The following TPH2 variants were observed in gnomAD, a reference collection of about 807,000 sequenced individuals.
TPH2 encodes tryptophan 5-hydroxylase 2.
Under a neutral mutation model 59.1 loss-of-function variants are expected in TPH2, and 27 were observed. The ratio of observed to expected loss-of-function variants is 0.46; its 90% CI spans 0.34 to 0.63. The LOEUF (loss-of-function observed/expected upper bound fraction) is 0.63. Among genes scored for constraint, TPH2 ranks in the 30% least tolerant of loss-of-function variants. The pLI is 0.01. For synonymous variants in TPH2, 220 were observed against 210.5 expected, an observed-to-expected ratio of 1.05 and a Z score of -0.39; for missense variants, 523 against 588.3, an observed-to-expected ratio of 0.89 and a Z score of 1.15.
At chr12:71,973,675 T>G (rs1023582252) in intron 6 of TPH2, among the ~76,000 whole-genome samples, 63 of 152,358 alleles carry the variant, frequency 4.1e-4, no homozygotes, top group African/African-American at 1.3e-3. Context: ...ACTTTCTTAA[T>G]AAACTTGCTT....
chr12:71,997,158 C>T (rs1304949179), intron 8 of TPH2, among the ~76,000 whole-genome samples: 1 of 152,134 alleles, frequency 6.6e-6, no homozygotes, highest in Non-Finnish European at 1.5e-5. Flanking sequence ...TCATGGCTTT[C>T]TTCATTCCTC....
At chr12:71,980,981 A>C (rs4531512) in intron 7 of TPH2, among the ~76,000 whole-genome samples, 88,378 of 151,998 alleles carry the variant, frequency 0.58, 25,936 homozygotes, top group African/African-American at 0.61. Flanking sequence ...GAGATAGAAA[A>C]ACAAATAATT....
At chr12:71,972,775 A>G (rs1351667498) in intron 6 of TPH2, 60 bp downstream of exon 6, 1 of 1,553,052 alleles carries the variant, frequency 6.4e-7, no homozygotes, top group South Asian at 1.1e-5. Context: ...TTCCAAGGAC[A>G]CAGGTTGCAG....
intron 5 of TPH2, among the ~76,000 whole-genome samples, chr12:71,954,565 G>A (rs1027855248): frequency 1.3e-5 from 2 of 152,098 alleles, no homozygotes; most frequent in African/African-American, 2.4e-5. Flanking sequence ...GGAAGTGTGT[G>A]GGGGGCAGAT....
intron 4 of TPH2, among the ~76,000 whole-genome samples, chr12:71,947,606 G>C (rs1871230153): frequency 6.6e-6 from 1 of 151,976 alleles, no homozygotes; most frequent in African/African-American, 2.4e-5. Context: ...AAATTTAACT[G>C]AGTGCCCTGT....
intron 5 of TPH2, among the ~76,000 whole-genome samples, chr12:71,957,658 TG>T (rs1247317086): frequency 6.6e-6 from 1 of 152,158 alleles, no homozygotes; most frequent in African/African-American, 2.4e-5. Context: ...AAGGAGTAAT[TG>T]AATTAAGGAA....
intron 9 of TPH2, among the ~76,000 whole-genome samples, chr12:72,027,568 C>T (rs892786729): frequency 6.6e-6 from 1 of 152,196 alleles, no homozygotes; most frequent in African/African-American, 2.4e-5. Flanking sequence ...CAATTCTTAA[C>T]TGTAAAGACC....
intron 4 of TPH2, 29 bp downstream of exon 4, chr12:71,944,715 C>T: frequency 6.3e-7 from 1 of 1,592,170 alleles, no homozygotes; most frequent in Non-Finnish European, 8.6e-7. Context: ...CTATTTCTCA[C>T]ATGCTCTTTC....
chr12:71,973,971 G>GTTGGGTA (rs1872045825), intron 6 of TPH2, among the ~76,000 whole-genome samples: 1 of 151,958 alleles, frequency 6.6e-6, no homozygotes, highest in Admixed American at 6.6e-5. Flanking sequence ...CTTGTGAGGG[G>GTTGGGTA]TTGGGGGAAG....
chr12:71,973,104 TG>T (rs1791071841), intron 6 of TPH2, among the ~76,000 whole-genome samples: 1 of 152,226 alleles, frequency 6.6e-6, no homozygotes, highest in Admixed American at 6.5e-5. Flanking sequence ...TTATGGATAA[TG>T]TTGAATATTA....
chr12:71,987,002 C>T (rs1234338582), intron 7 of TPH2, among the ~76,000 whole-genome samples: 1 of 152,130 alleles, frequency 6.6e-6, no homozygotes, highest in African/African-American at 2.4e-5. Flanking sequence ...ACAGAAGCCA[C>T]CACAAGAGAG....
At chr12:71,976,015 C>T (rs1242453003) in intron 6 of TPH2, among the ~76,000 whole-genome samples, 1 of 152,184 alleles carries the variant, frequency 6.6e-6, no homozygotes. Flanking sequence ...AATTAATATT[C>T]TTATGAGAGG....
At chr12:72,010,051 T>C (rs1873059011) in intron 8 of TPH2, among the ~76,000 whole-genome samples, 1 of 152,202 alleles carries the variant, frequency 6.6e-6, no homozygotes, top group Non-Finnish European at 1.5e-5. Flanking sequence ...TAAGTAGTAG[T>C]TATTTTATTT....
At chr12:71,955,120 C>T (rs146545754) in intron 5 of TPH2, among the ~76,000 whole-genome samples, 355 of 152,236 alleles carry the variant, frequency 2.3e-3, no homozygotes, top group Non-Finnish European at 3.4e-3. Context: ...GTAAGGTAAA[C>T]AAGAGAGTTT....
intron 5 of TPH2, among the ~76,000 whole-genome samples, chr12:71,968,863 G>A (rs1247568823): frequency 6.6e-6 from 1 of 152,212 alleles, no homozygotes; most frequent in Non-Finnish European, 1.5e-5. Context: ...GTTGGCTTCA[G>A]CTGCTGGGGA....
chr12:71,945,602 G>A (rs978876058), intron 4 of TPH2, among the ~76,000 whole-genome samples: 8 of 152,224 alleles, frequency 5.3e-5, no homozygotes, highest in East Asian at 3.9e-4. Flanking sequence ...TATACTCTGC[G>A]CAGTGGCTCT....
At chr12:72,013,373 C>G (rs1873151446) in intron 8 of TPH2, among the ~76,000 whole-genome samples, 1 of 152,294 alleles carries the variant, frequency 6.6e-6, no homozygotes, top group African/African-American at 2.4e-5. Flanking sequence ...CTCTGCCGGT[C>G]TCAGTGTAGC....
At chr12:72,012,381 A>G (rs1873123278) in intron 8 of TPH2, among the ~76,000 whole-genome samples, 1 of 152,168 alleles carries the variant, frequency 6.6e-6, no homozygotes, top group East Asian at 1.9e-4. Context: ...CTCGGCAATG[A>G]CAAGAGCATT....
chr12:71,978,863 A>G (rs1220179112), intron 6 of TPH2, 89 bp from the exon 7 acceptor site: 2 of 1,538,816 alleles, frequency 1.3e-6, no homozygotes, highest in Non-Finnish European at 1.8e-6. Context: ...TTGTTTCTGG[A>G]TCTTCCTTAT....
Sources: gnomAD v4.1 joint callset for allele counts (sites outside exome capture counted in the v4.1 genomes callset) on GRCh38, gnomAD v4.1.1 for gene constraint, MANE v1.5 for transcripts, NCBI Gene and HGNC (gene_info 2026-07-23, HGNC 2026-07-21) for gene names.